FSIP2: variants seen among roughly 807,000 people sequenced by gnomAD.
The protein encoded by FSIP2 is fibrous sheath-interacting protein 2.
In FSIP2, 367 loss-of-function variants were observed where a neutral mutation model predicts 510.5. The ratio of observed to expected loss-of-function variants is 0.72; its 90% CI spans 0.66 to 0.78. The LOEUF (loss-of-function observed/expected upper bound fraction) is 0.78, where lower values mean the gene tolerates loss of function less well. Among genes scored for constraint, FSIP2 ranks in the 30% least tolerant of loss-of-function variants. The pLI is 0.00. For missense variants in FSIP2, 7,594 were observed against 7,901.7 expected, an observed-to-expected ratio of 0.96 and a Z score of 1.48; for synonymous variants, 2,601 against 2,732.2, an observed-to-expected ratio of 0.95 and a Z score of 1.50.
chr2:185,801,023 G>A lies in FSIP2; in HGVS notation c.11717G>A (p.Ser3906Asn), dbSNP rs1234341602. The A allele has an allele frequency of 1.8e-5, 27 of 1,531,808 alleles. No homozygotes were observed. Among genetic ancestry groups the A allele is most frequent in the Non-Finnish European group, 2.4e-5 (27 of 1,144,070 alleles). The allele number at this position is 1,531,808 out of a possible 1,614,324, so 94.9% of individuals were successfully genotyped here. Residue 3906 changes from serine (S) to asparagine (N), a missense_variant, in exon 17 of 23, where the codon AGC becomes AAC. By Grantham distance (46) the Ser-to-Asn change is conservative (BLOSUM62 1). Transcript: ENST00000424728. ...GQSKSSLELR[S>N]YDSNSLTVSL... Reference sequence around the variant, plus strand: ...AGTAAAAGTTCTTTAGAACTCAGGAGCTATGATAGTAATTCTTTGACAGTA... The same window carrying A: ...AGTAAAAGTTCTTTAGAACTCAGGAACTATGATAGTAATTCTTTGACAGTA...
At chr2:185,786,153 T>G (rs184721407) in intron 14 of FSIP2, 99 bp from the exon 15 acceptor site, 8 of 753,324 alleles carry the variant, frequency 1.1e-5, no homozygotes, top group Non-Finnish European at 1.5e-5. Flanking sequence ...GAAAAAATCT[T>G]AGATACAACA....
intron 7 of FSIP2, among the ~76,000 whole-genome samples, chr2:185,751,461 C>CTCTGTGTGTGTGTGTGTGTG (rs368632994): frequency 2.2e-5 from 3 of 135,782 alleles, no homozygotes; most frequent in Non-Finnish European, 4.8e-5. Flanking sequence ...CTTTATTTTT[C>CTCTGTGTGTGTGTGTGTGTG]TGTGTGTGTG....
intron 18 of FSIP2, 29 bp downstream of exon 18, chr2:185,814,071 T>A (rs1693789777): frequency 6.4e-7 from 1 of 1,573,764 alleles, no homozygotes; most frequent in Admixed American, 1.8e-5. Flanking sequence ...TGTTAGTGAC[T>A]AGAAAGGGGA....
chr2:185,794,628 G>C lies in FSIP2; in HGVS notation c.7492G>C (p.Val2498Leu). 1 of 1,532,632 alleles carries C rather than the reference G, an allele frequency of 6.5e-7. No individual in the cohort carries two copies. The highest frequency in any genetic ancestry group is 8.7e-7 in the Non-Finnish European group (1 of 1,145,244). 94.9% of individuals were successfully genotyped at this position (1,532,632 alleles called of 1,614,324 possible). ...EELLNKLYQR[V>L]REVTGHLPPL... ...ACTTTTGAATAAGTTGTATCAAAGA[G>C]TAAGGGAAGTCACAGGCCATTTGCC... The change falls in exon 16 of 23, where the codon GTA (valine) becomes CTA (leucine). Residue 2498 changes from valine (V) to leucine (L), a missense_variant. Physicochemically the swap from Val to Leu is conservative, Grantham distance 32 (BLOSUM62 1). Coordinates refer to ENST00000424728, the MANE Select transcript of FSIP2 (RefSeq NM_173651.4).
rs1693572079 is a variant in FSIP2 at position 185,806,215 on chromosome 2, A to C, written c.16909A>C (p.Asn5637His). The change falls in exon 17 of 23, where the codon AAT (asparagine) becomes CAT (histidine). Residue 5637 changes from asparagine (N) to histidine (H), a missense_variant. Coordinates refer to ENST00000424728, the MANE Select transcript of FSIP2 (RefSeq NM_173651.4). ...GTTATCCTCCTTGAAGTCCAAGAGA[A>C]ATCTAGGGACTACAACAGATACTTT... ...FQLSSLKSKR[N>H]LGTTTDTLEI... 1 of 1,605,380 alleles carries C rather than the reference A, an allele frequency of 6.2e-7. No homozygotes were observed. The highest frequency in any genetic ancestry group is 8.5e-7 in the Non-Finnish European group (1 of 1,176,422).
At position 185,790,026 on chromosome 2, in the gene FSIP2, A is replaced by G; in HGVS notation, c.2890A>G (p.Ser964Gly). The G allele has an allele frequency of 6.5e-7, 1 of 1,533,846 alleles. No homozygotes were observed. Among genetic ancestry groups the G allele is most frequent in the Non-Finnish European group, 8.7e-7 (1 of 1,145,414 alleles). Residue 964 changes from serine (S) to glycine (G), a missense_variant, in exon 16 of 23, where the codon AGT (serine) becomes GGT (glycine). Physicochemically the swap from Ser to Gly is moderately conservative, Grantham distance 56 (BLOSUM62 0). Transcript: ENST00000424728. Reference protein sequence around the residue: ...FQKSRQPRISSPSDTKEKYRL... With the variant: ...FQKSRQPRISGPSDTKEKYRL... ...AAAAAGTAGGCAACCTAGAATAAGTAGTCCTTCTGACACCAAAGAAAAGTA... is the reference window on the plus strand; with the variant it reads ...AAAAAGTAGGCAACCTAGAATAAGTGGTCCTTCTGACACCAAAGAAAAGTA...
intron 14 of FSIP2, chr2:185,783,742 G>A (rs114438088): frequency 3.3e-5 from 5 of 152,088 alleles, no homozygotes; most frequent in African/African-American, 9.6e-5. Context: ...TGATACAAAC[G>A]TTTTTATTTA....
Position 185,791,044 on chromosome 2 carries a change from T to C in FSIP2, c.3908T>C (p.Leu1303Ser). The C allele has an allele frequency of 6.5e-7, 1 of 1,532,584 alleles. No individual in the cohort carries two copies. The highest frequency in any genetic ancestry group is 8.7e-7 in the Non-Finnish European group (1 of 1,144,884). 94.9% of individuals were successfully genotyped at this position (1,532,584 alleles called of 1,614,324 possible). Residue 1303 changes from leucine to serine, a missense_variant, in exon 16 of 23, where the codon TTA becomes TCA. Leu to Ser is a moderately radical substitution (Grantham distance 145, BLOSUM62 -2). Coordinates refer to ENST00000424728, the MANE Select transcript of FSIP2 (RefSeq NM_173651.4). ...ACAGCTAAAATAGTAAACATTGTTT[T>C]ATGTGCTATCCAGAATGAACTGGAA... The part of the protein sequence containing the change: ...KYTAKIVNIV[L>S]CAIQNELELH...
intron 19 of FSIP2, among the ~76,000 whole-genome samples, chr2:185,820,163 G>C (rs988515494): frequency 6.6e-6 from 1 of 151,860 alleles, no homozygotes; most frequent in Non-Finnish European, 1.5e-5. Context: ...GAATCATTGG[G>C]GTGATTACTC....
intron 17 of FSIP2, among the ~76,000 whole-genome samples, 158 bp from the exon 18 acceptor site, chr2:185,813,387 T>C (rs751254884): frequency 4.6e-5 from 7 of 152,024 alleles, no homozygotes; most frequent in Non-Finnish European, 7.4e-5. Flanking sequence ...TTTGTCTTTA[T>C]TTCTTTTAAA....
intron 13 of FSIP2, 115 bp downstream of exon 13, chr2:185,764,680 G>A: frequency 1.4e-6 from 1 of 725,346 alleles, no homozygotes; most frequent in South Asian, 1.8e-5. Flanking sequence ...ATCATTCAAG[G>A]AAAAATGGCA....
Position 185,803,967 on chromosome 2 carries a change from A to C in FSIP2, c.14661A>C (p.Ile4887=). 6.6e-7 allele frequency: 1 copy of C among 1,503,928 alleles called. No homozygotes were observed. Among genetic ancestry groups the C allele is most frequent in the African/African-American group, 1.4e-5 (1 of 71,522 alleles). The allele number at this position is 1,503,928 out of a possible 1,614,324, so 93.2% of individuals were successfully genotyped here. A position where few individuals can be genotyped will look rare whatever the true frequency, so the allele number is the denominator to read the frequency against. ...YQSITKDKKS[I]SDIPVSKIAS... is the part of the protein sequence containing the mutation. The stretch of plus-strand genomic sequence containing the variant: ...CCATTACAAAAGATAAAAAGAGCAT[A>C]AGTGACATACCTGTTTCAAAAATAG... Residue 4887 remains isoleucine (I), a synonymous_variant, in exon 17 of 23, where the codon ATA becomes ATC. Coordinates refer to ENST00000424728, the MANE Select transcript of FSIP2 (RefSeq NM_173651.4).
intron 22 of FSIP2, 65 bp downstream of exon 22, chr2:185,831,947 G>A (rs1694116916): frequency 1.0e-6 from 1 of 978,360 alleles, no homozygotes; most frequent in Non-Finnish European, 1.6e-6. Context: ...TTTGAATTTA[G>A]AATTTTTTAT....
Position 185,792,664 on chromosome 2 carries a change from CAG to C in FSIP2, c.5530_5531del (p.Asp1844Ter). On this transcript the variant is annotated frameshift_variant, in exon 16 of 23. Coordinates refer to ENST00000424728, the MANE Select transcript of FSIP2 (RefSeq NM_173651.4). LOFTEE classifies it high-confidence loss of function. Reference sequence around the variant, plus strand: ...TCGGAAGCAGATATAACCATAGTAACAGATAATATTGTTAGGACTGTATTTCA... The same window carrying C: ...TCGGAAGCAGATATAACCATAGTAACATAATATTGTTAGGACTGTATTTCA... 1 of 1,533,580 alleles carries C rather than the reference CAG, an allele frequency of 6.5e-7. No individual in the cohort carries two copies. The highest frequency in any genetic ancestry group is 2.4e-5 in the East Asian group (1 of 40,830). 95.0% of individuals were successfully genotyped at this position (1,533,580 alleles called of 1,614,324 possible). A position where few individuals can be genotyped will look rare whatever the true frequency, so the allele number is the denominator to read the frequency against.
At chr2:185,771,681 A>C (rs1692611087) in intron 13 of FSIP2, among the ~76,000 whole-genome samples, 1 of 152,118 alleles carries the variant, frequency 6.6e-6, no homozygotes, top group Non-Finnish European at 1.5e-5. Flanking sequence ...AATGCCTTTG[A>C]GGGCTTTTTT....
At chr2:185,832,407 T>C (rs1417042789) in intron 22 of FSIP2, among the ~76,000 whole-genome samples, 1 of 151,880 alleles carries the variant, frequency 6.6e-6, no homozygotes, top group Non-Finnish European at 1.5e-5. Context: ...TGCTAGATTG[T>C]TCCCAGTTCT....
At position 185,755,295 on chromosome 2, in the gene FSIP2, G is replaced by A. The variant is rs1044005098; in HGVS notation, c.992-897G>A. 2.6e-5 allele frequency among the ~76,000 whole-genome samples: 4 copies of A among 151,584 alleles called. No homozygotes were observed. In the East Asian group the frequency reaches 5.8e-4, roughly 22 times the overall value. ...TGCAAAGCATATACACTAAGTACAC[G>A]TTTGCTAAATTGATTAATTCTATCT... On this transcript the variant is annotated intron_variant, in intron 8 of 22. Coordinates refer to ENST00000424728, the MANE Select transcript of FSIP2 (RefSeq NM_173651.4).
In FSIP2 at chr2:185,805,586, T is replaced by G. The variant is rs779173446; in HGVS notation, c.16280T>G (p.Phe5427Cys). Residue 5427 changes from phenylalanine (F) to cysteine (C), a missense_variant, in exon 17 of 23, where the codon TTT (phenylalanine) becomes TGT (cysteine). By Grantham distance (205) the Phe-to-Cys change is radical (BLOSUM62 -2). Coordinates refer to ENST00000424728, the MANE Select transcript of FSIP2 (RefSeq NM_173651.4). ...QRVQHLPQNT[F>C]TQISRCAKEN... ...GTTCAACACCTACCACAAAACACCTTTACACAAATAAGCAGATGTGCAAAA... is the reference window on the plus strand; with the variant it reads ...GTTCAACACCTACCACAAAACACCTGTACACAAATAAGCAGATGTGCAAAA... 7.5e-6 allele frequency: 12 copies of G among 1,609,504 alleles called. No individual in the cohort carries two copies. In the South Asian group the frequency reaches 1.1e-4, roughly 15 times the overall value.
intron 17 of FSIP2, among the ~76,000 whole-genome samples, chr2:185,809,736 C>T (rs1693685726): frequency 6.6e-6 from 1 of 152,026 alleles, no homozygotes; most frequent in Admixed American, 6.6e-5. Flanking sequence ...TTTCTTTCCA[C>T]TTACACACTT....
Sources: gnomAD v4.1 joint callset for allele counts (sites outside exome capture counted in the v4.1 genomes callset) on GRCh38, gnomAD v4.1.1 for gene constraint, MANE v1.5 for transcripts, NCBI Gene and HGNC (gene_info 2026-07-23, HGNC 2026-07-21) for gene names.